MADCAM1: variants seen among roughly 807,000 people sequenced by gnomAD.
MADCAM1 encodes mucosal addressin cell adhesion molecule 1.
In MADCAM1, 19 loss-of-function variants were observed where a neutral mutation model predicts 26.1. That is an observed-to-expected ratio of 0.73 (90% CI 0.51 to 1.07). The LOEUF (loss-of-function observed/expected upper bound fraction) is 1.07. MADCAM1 is among the 50% of genes least tolerant of loss of function. MADCAM1 has a pLI of 0.00. For missense variants in MADCAM1, 514 were observed against 542.1 expected (o/e 0.95, Z 0.51); for synonymous variants, 268 against 260.9 (o/e 1.03, Z -0.26).
At position 498,503 on chromosome 19, in the gene MADCAM1, G is replaced by T; in HGVS notation, c.345G>T (p.Pro115=). The change falls in exon 3 of 5, where the codon CCG becomes CCT. Residue 115 remains proline (P), a synonymous_variant. Coordinates refer to ENST00000215637, the MANE Select transcript of MADCAM1 (RefSeq NM_130760.3). ...CCCGACCCTCCATCACAGCCTTCCCGGACCAGCTGACCGTCTCCCCAGCAG... is the reference window on the plus strand; with the variant it reads ...CCCGACCCTCCATCACAGCCTTCCCTGACCAGCTGACCGTCTCCCCAGCAG... ...HTVQLLVYAF[P]DQLTVSPAAL... 6.8e-7 allele frequency: 1 copy of T among 1,463,216 alleles called. No individual in the cohort carries two copies. The highest frequency in any genetic ancestry group is 9.0e-7 in the Non-Finnish European group (1 of 1,112,394). The allele number at this position is 1,463,216 out of a possible 1,614,324, so 90.6% of individuals were successfully genotyped here.
Position 498,640 on chromosome 19 carries a change from C to G in MADCAM1, c.482C>G (p.Ala161Gly), listed in dbSNP as rs1978298592. Residue 161 changes from alanine to glycine, a missense_variant, in exon 3 of 5, where the codon GCG (alanine) becomes GGG (glycine). Coordinates refer to ENST00000215637, the MANE Select transcript of MADCAM1 (RefSeq NM_130760.3). The stretch of plus-strand genomic sequence containing the variant: ...GTCGGGGGCCAGGAACTGGAGGGGG[C>G]GCAAGCCCTGGGCCCGGAGGTGCAG... ...LLVGGQELEG[A>G]QALGPEVQEE... 1 of 1,465,748 alleles carries G rather than the reference C, an allele frequency of 6.8e-7. No individual in the cohort carries two copies. Among genetic ancestry groups the G allele is most frequent in the Non-Finnish European group, 9.0e-7 (1 of 1,114,492 alleles). The allele number at this position is 1,465,748 out of a possible 1,614,324, so 90.8% of individuals were successfully genotyped here.
At chr19:503,969 C>T (rs1029220199) in intron 4 of MADCAM1, among the ~76,000 whole-genome samples, 2 of 151,180 alleles carry the variant, frequency 1.3e-5, no homozygotes, top group African/African-American at 4.9e-5. Flanking sequence ...GCAGGAGAAT[C>T]ACTTGAACCC....
chr19:504,944 G>A lies in MADCAM1; in HGVS notation c.1128G>A (p.Gln376=), dbSNP rs935939711. 1.1e-5 allele frequency: 17 copies of A among 1,599,790 alleles called. 1 individual carries two copies. In the Admixed American group the frequency reaches 2.5e-4, roughly 24 times the overall value. The stretch of plus-strand genomic sequence containing the variant: ...GGGCTGGGTTAAGGGGGACCGGCCA[G>A]GTCGGGATCAGCCCCTCCTGAGTGG... ...SAWAGLRGTG[Q]VGISPS Residue 376 remains glutamine (Q), a synonymous_variant, in exon 5 of 5, where the codon CAG becomes CAA. Transcript: ENST00000215637.
rs1349235156 is a variant in MADCAM1, at chr19:501,392, G to T, written c.668-277G>T. ...CCCAGCTACTCCAGAGGCTGAGGCA[G>T]GGGAATCGCTTGAACCTGAGGAGCG... On this transcript the variant is annotated intron_variant, in intron 3 of 4. Coordinates refer to ENST00000215637, the MANE Select transcript of MADCAM1 (RefSeq NM_130760.3). The T allele has an allele frequency of 5.6e-5, 18 of 322,554 alleles. No homozygotes were observed. In the East Asian group the frequency reaches 8.1e-4, roughly 14 times the overall value. 20.0% of individuals were successfully genotyped at this position (322,554 alleles called of 1,614,324 possible).
chr19:501,937 C>T lies in MADCAM1; in HGVS notation c.928+8C>T. On this transcript the variant is annotated splice_region_variant and intron_variant, in intron 4 of 4. Coordinates refer to ENST00000215637, the MANE Select transcript of MADCAM1 (RefSeq NM_130760.3). ...AAGTGATCCCAACAGGCTGTGAGTTCTGGTCCCTGGGGGCAGGGAGGGTGG... is the reference window on the plus strand; with the variant it reads ...AAGTGATCCCAACAGGCTGTGAGTTTTGGTCCCTGGGGGCAGGGAGGGTGG... 1 of 989,712 alleles carries T rather than the reference C, an allele frequency of 1.0e-6. No individual in the cohort carries two copies. The highest frequency in any genetic ancestry group is 1.4e-6 in the Non-Finnish European group (1 of 701,748). The allele number at this position is 989,712 out of a possible 1,614,324, so 61.3% of individuals were successfully genotyped here.
chr19:504,798 G>T lies in MADCAM1; in HGVS notation c.982G>T (p.Val328Leu). 1 of 1,613,012 alleles carries T rather than the reference G, an allele frequency of 6.2e-7. No individual in the cohort carries two copies. The highest frequency in any genetic ancestry group is 8.5e-7 in the Non-Finnish European group (1 of 1,179,942). ...LPAALWTSSA[V>L]LGLLLLALPT... Reference sequence around the variant, plus strand: ...CGCGGCTCTGTGGACCAGCAGTGCGGTGCTGGGACTGCTGCTCCTGGCCTT... The same window carrying T: ...CGCGGCTCTGTGGACCAGCAGTGCGTTGCTGGGACTGCTGCTCCTGGCCTT... The change falls in exon 5 of 5, where the codon GTG (valine) becomes TTG (leucine). Residue 328 changes from valine (V) to leucine (L), a missense_variant. This residue lies in a region of MADCAM1 where 152 missense variants were observed against 136.7 expected (regional missense o/e 1.11). Coordinates refer to ENST00000215637, the MANE Select transcript of MADCAM1 (RefSeq NM_130760.3).
At chr19:504,255 C>CATTTTTTTTTTTTTTTT (rs1270034691) in intron 4 of MADCAM1, among the ~76,000 whole-genome samples, 1 of 88,150 alleles carries the variant, frequency 1.1e-5, no homozygotes. Context: ...CCGGTCTGCC[C>CATTTTTTTTTTTTTTTT]TTTTTTTTTT....
In MADCAM1 at chr19:504,966, G is replaced by A. The variant is rs1046243717; in HGVS notation, c.*1G>A. 6.3e-7 allele frequency: 1 copy of A among 1,584,866 alleles called. No individual in the cohort carries two copies. The highest frequency in any genetic ancestry group is 8.6e-7 in the Non-Finnish European group (1 of 1,158,706). On this transcript the variant is annotated 3_prime_UTR_variant, in exon 5 of 5. Coordinates refer to ENST00000215637, the MANE Select transcript of MADCAM1 (RefSeq NM_130760.3). ...CCAGGTCGGGATCAGCCCCTCCTGA[G>A]TGGCCAGCCTTTCCCCCTGTGAAAG...
intron 4 of MADCAM1, among the ~76,000 whole-genome samples, chr19:503,676 G>A (rs957382273): frequency 3.9e-5 from 6 of 152,224 alleles, no homozygotes; most frequent in Middle Eastern, 6.8e-3. Flanking sequence ...CGAGGCAGGA[G>A]GATCACTTGA....
chr19:505,136 G>A lies in MADCAM1; in HGVS notation c.*171G>A. 1 of 549,548 alleles carries A rather than the reference G, an allele frequency of 1.8e-6. No individual in the cohort carries two copies. 34.0% of individuals were successfully genotyped at this position (549,548 alleles called of 1,614,324 possible). A position where few individuals can be genotyped will look rare whatever the true frequency, so the allele number is the denominator to read the frequency against. On this transcript the variant is annotated 3_prime_UTR_variant, in exon 5 of 5. Coordinates refer to ENST00000215637, the MANE Select transcript of MADCAM1 (RefSeq NM_130760.3). ...AAGCTCATCAGAAACTCAAAAGAAGGCCACTGTTTGTCTCACCTACCCATG... is the reference window on the plus strand; with the variant it reads ...AAGCTCATCAGAAACTCAAAAGAAGACCACTGTTTGTCTCACCTACCCATG...
chr19:502,250 C>G (rs576587420), intron 4 of MADCAM1, among the ~76,000 whole-genome samples: 21 of 152,180 alleles, frequency 1.4e-4, no homozygotes, highest in African/African-American at 5.1e-4. Context: ...GCCTTGTAGA[C>G]TAGAAGAATC....
intron 2 of MADCAM1, 89 bp downstream of exon 2, chr19:498,206 G>A: frequency 8.0e-7 from 1 of 1,250,594 alleles, no homozygotes; most frequent in Non-Finnish European, 1.0e-6. Flanking sequence ...CTCCCAGATT[G>A]CAGGCAGGGT....
intron 3 of MADCAM1, chr19:499,245 G>T (rs766847290): frequency 1.7e-5 from 8 of 469,032 alleles, no homozygotes; most frequent in South Asian, 1.1e-4. Flanking sequence ...GCACGGCTGT[G>T]CCCTCTGCCG....
chr19:503,087 G>A (rs566873033), intron 4 of MADCAM1, among the ~76,000 whole-genome samples: 211 of 152,360 alleles, frequency 1.4e-3, no homozygotes, highest in Non-Finnish European at 2.3e-3. Flanking sequence ...TTTAGAGTAA[G>A]AAGCTATTAT....
In MADCAM1 at chr19:504,725, C is replaced by T. The variant is rs1198362308; in HGVS notation, c.929-20C>T. The T allele has an allele frequency of 6.3e-7, 1 of 1,577,396 alleles. No individual in the cohort carries two copies. The highest frequency in any genetic ancestry group is 8.7e-7 in the Non-Finnish European group (1 of 1,151,352). The stretch of plus-strand genomic sequence containing the variant: ...AGGCCTGGAGGGCTCTGACCGGGGT[C>T]TCCTGCACTCTCTCCCCAGCGTCCA... On this transcript the variant is annotated intron_variant, in intron 4 of 4. Coordinates refer to ENST00000215637, the MANE Select transcript of MADCAM1 (RefSeq NM_130760.3).
intron 4 of MADCAM1, among the ~76,000 whole-genome samples, chr19:504,143 G>A (rs1978495566): frequency 2.0e-5 from 3 of 151,412 alleles, no homozygotes; most frequent in South Asian, 2.1e-4. Context: ...ATATAAAATA[G>A]TATGAAGGAG....
At chr19:498,389 C>G (rs1362227017) in intron 2 of MADCAM1, 107 bp from the exon 3 acceptor site, 1 of 1,198,794 alleles carries the variant, frequency 8.3e-7, no homozygotes, top group African/African-American at 1.6e-5. Context: ...CATCAGCAGC[C>G]CCCACGCATC....
Position 505,164 on chromosome 19 carries a change from C to A in MADCAM1, c.*199C>A. The A allele has an allele frequency of 2.0e-6, 1 of 507,348 alleles. No homozygotes were observed. The highest frequency in any genetic ancestry group is 3.5e-6 in the Non-Finnish European group (1 of 286,166). 31.4% of individuals were successfully genotyped at this position (507,348 alleles called of 1,614,324 possible). On this transcript the variant is annotated 3_prime_UTR_variant, in exon 5 of 5. Coordinates refer to ENST00000215637, the MANE Select transcript of MADCAM1 (RefSeq NM_130760.3). ...ACTGTTTGTCTCACCTACCCATGACCTGAAGCCCCTCCCTGAGTGGTCCCC... is the reference window on the plus strand; with the variant it reads ...ACTGTTTGTCTCACCTACCCATGACATGAAGCCCCTCCCTGAGTGGTCCCC...
At chr19:503,374 G>A (rs1272517429) in intron 4 of MADCAM1, among the ~76,000 whole-genome samples, 2 of 151,406 alleles carry the variant, frequency 1.3e-5, no homozygotes, top group Admixed American at 6.6e-5. Context: ...GAGGTCAGGA[G>A]ATCGAGACCA....
Sources: gnomAD v4.1 joint callset for allele counts (sites outside exome capture counted in the v4.1 genomes callset) on GRCh38, gnomAD v4.1.1 for gene constraint, gnomAD v4.1.1 regional missense constraint, MANE v1.5 for transcripts, NCBI Gene and HGNC (gene_info 2026-07-23, HGNC 2026-07-21) for gene names.